EPC2: variants seen among roughly 807,000 people sequenced by gnomAD.
EPC2 encodes enhancer of polycomb 2, also known as enhancer of polycomb homolog 2.
Under a neutral mutation model 92.1 loss-of-function variants are expected in EPC2, and 14 were observed. That is an observed-to-expected ratio of 0.15 (90% confidence interval 0.10 to 0.24). EPC2 has a LOEUF of 0.24. Among genes scored for constraint, EPC2 ranks in the 10% least tolerant of loss-of-function variants. The pLI, the probability that EPC2 is intolerant of heterozygous loss-of-function variation, is 1.00. For synonymous variants in EPC2, 340 were observed against 334.7 expected (o/e 1.02, Z -0.17); for missense variants, 755 against 971.5 (o/e 0.78, Z 2.96).
chr2:148,696,958 T>C (rs564667853), intron 2 of EPC2, among the ~76,000 whole-genome samples: 1 of 152,374 alleles, frequency 6.6e-6, no homozygotes, highest in South Asian at 2.1e-4. Context: ...CCTTCCACAG[T>C]TATGGGTAAA....
intron 2 of EPC2, among the ~76,000 whole-genome samples, chr2:148,740,710 T>C (rs1046976743): frequency 1.3e-5 from 2 of 152,138 alleles, no homozygotes; most frequent in African/African-American, 4.8e-5. Flanking sequence ...ATATATAGCC[T>C]TGCCCTTGAA....
chr2:148,751,805 G>A (rs1256134207), intron 3 of EPC2, among the ~76,000 whole-genome samples: 15 of 152,086 alleles, frequency 9.9e-5, no homozygotes, highest in Admixed American at 9.8e-4. Context: ...GATACTAGTT[G>A]CCTCAGAGTA....
chr2:148,696,126 G>A (rs1681740659), intron 2 of EPC2, among the ~76,000 whole-genome samples: 1 of 152,214 alleles, frequency 6.6e-6, no homozygotes, highest in East Asian at 1.9e-4. Context: ...CCAGGAAGGA[G>A]GAGAAGCCTC....
At position 148,691,741 on chromosome 2, in the gene EPC2, T is replaced by G. The variant is rs543623145; in HGVS notation, c.313+1368T>G. On this transcript the variant is annotated intron_variant, in intron 2 of 13. Transcript: ENST00000258484. Reference sequence around the variant, plus strand: ...GGCTGCAGATCTGCTCAAGGTTCAGTTCTCAGGAAGATTTTTTGCTTCTCC... The same window carrying G: ...GGCTGCAGATCTGCTCAAGGTTCAGGTCTCAGGAAGATTTTTTGCTTCTCC... 159 of 965,032 alleles carry G rather than the reference T, an allele frequency of 1.6e-4. No homozygotes were observed. In the African/African-American group the frequency reaches 2.3e-3, roughly 14 times the overall value. The allele number at this position is 965,032 out of a possible 1,614,324, so 59.8% of individuals were successfully genotyped here. A position where few individuals can be genotyped will look rare whatever the true frequency, so the allele number is the denominator to read the frequency against.
rs368462404 is a variant in EPC2 at position 148,670,339 on chromosome 2, C to CT, written c.154-19863dup. On this transcript the variant is annotated intron_variant, in intron 1 of 13. Transcript: ENST00000258484. The stretch of plus-strand genomic sequence containing the variant: ...AGGGTGAATTTGGTCCATGTTAACT[C>CT]TTTTTTTTTTTTAAGTTTTAAAATT... 1.0e-3 allele frequency among the ~76,000 whole-genome samples: 144 copies of CT among 142,964 alleles called. 1 individual carries two copies. The South Asian group carries it at 0.013, about 13-fold the overall frequency. 93.8% of individuals were successfully genotyped at this position (142,964 alleles called of 152,430 possible).
intron 1 of EPC2, among the ~76,000 whole-genome samples, chr2:148,654,675 C>G (rs1001059788): frequency 6.6e-6 from 1 of 152,112 alleles, no homozygotes; most frequent in Non-Finnish European, 1.5e-5. Context: ...TAGAAACAAA[C>G]AAACAAAAAG....
At chr2:148,681,283 C>G (rs1265238148) in intron 1 of EPC2, among the ~76,000 whole-genome samples, 1 of 151,816 alleles carries the variant, frequency 6.6e-6, no homozygotes, top group Non-Finnish European at 1.5e-5. Context: ...TTAGGATGGT[C>G]AGATTTCACT....
chr2:148,729,860 C>T (rs1682582888), intron 2 of EPC2, among the ~76,000 whole-genome samples: 2 of 152,138 alleles, frequency 1.3e-5, no homozygotes, highest in South Asian at 4.1e-4. Flanking sequence ...TTCTTATGGC[C>T]TGTGGTTCTC....
At position 148,719,799 on chromosome 2, in the gene EPC2, A is replaced by G. The variant is rs190232134; in HGVS notation, c.314-23823A>G. 6.2e-3 allele frequency among the ~76,000 whole-genome samples: 941 copies of G among 152,316 alleles called. 7 individuals carry two copies. The highest frequency in any genetic ancestry group is 0.022 in the African/African-American group (913 of 41,568). On this transcript the variant is annotated intron_variant, in intron 2 of 13. Transcript: ENST00000258484. Reference sequence around the variant, plus strand: ...TGGTGATCCCTTTAGCCACCATTTGATCTGGGCTCTCCAAGCCCCACTGGC... The same window carrying G: ...TGGTGATCCCTTTAGCCACCATTTGGTCTGGGCTCTCCAAGCCCCACTGGC...
intron 1 of EPC2, 55 bp downstream of exon 1, chr2:148,645,225 C>G (rs1231350664): frequency 7.0e-7 from 1 of 1,425,302 alleles, no homozygotes; most frequent in East Asian, 2.6e-5. Flanking sequence ...TCCCCTTTGT[C>G]AGTCGGGCCT....
At chr2:148,659,108 T>A (rs1016090504) in intron 1 of EPC2, among the ~76,000 whole-genome samples, 2 of 152,152 alleles carry the variant, frequency 1.3e-5, no homozygotes, top group African/African-American at 2.4e-5. Context: ...TATGGCAGAA[T>A]AAAAACAATT....
chr2:148,669,998 G>C (rs35983566), intron 1 of EPC2, among the ~76,000 whole-genome samples: 27,821 of 152,086 alleles, frequency 0.18, 3,271 homozygotes, highest in East Asian at 0.49. Flanking sequence ...CTCCAGGGAA[G>C]CCTCTTTAGA....
intron 5 of EPC2, among the ~76,000 whole-genome samples, chr2:148,762,441 A>G (rs908809364): frequency 1.2e-4 from 19 of 152,038 alleles, no homozygotes; most frequent in African/African-American, 3.6e-4. Context: ...TATATAATAT[A>G]TGTAAGAAAT....
chr2:148,660,693 A>C (rs1680913914), intron 1 of EPC2, among the ~76,000 whole-genome samples: 1 of 151,958 alleles, frequency 6.6e-6, no homozygotes. Flanking sequence ...AGTTTGTTCT[A>C]GTATACACTG....
chr2:148,659,598 T>C (rs931799102), intron 1 of EPC2, among the ~76,000 whole-genome samples: 7 of 152,100 alleles, frequency 4.6e-5, no homozygotes, highest in Admixed American at 3.9e-4. Flanking sequence ...TAAATCTAGA[T>C]ATTGTGACTA....
At chr2:148,666,104 G>A (rs983329991) in intron 1 of EPC2, among the ~76,000 whole-genome samples, 7 of 152,246 alleles carry the variant, frequency 4.6e-5, no homozygotes, top group Admixed American at 4.6e-4. Flanking sequence ...TTTTCAAATT[G>A]TCTGTGGTGA....
intron 2 of EPC2, among the ~76,000 whole-genome samples, chr2:148,729,621 C>T (rs34446127): frequency 0.15 from 22,854 of 151,972 alleles, 2,532 homozygotes; most frequent in East Asian, 0.46. Context: ...CCCAGTTTTC[C>T]ATTTGGTTAT....
At chr2:148,646,795 C>T (rs1249319008) in intron 1 of EPC2, among the ~76,000 whole-genome samples, 3 of 151,924 alleles carry the variant, frequency 2.0e-5, no homozygotes, top group Non-Finnish European at 4.4e-5. Context: ...TTACTTTGAT[C>T]CTATTATTTT....
chr2:148,773,982 G>A (rs1044914183), intron 10 of EPC2, among the ~76,000 whole-genome samples: 1 of 151,906 alleles, frequency 6.6e-6, no homozygotes, highest in African/African-American at 2.4e-5. Flanking sequence ...TTCTTAGTGG[G>A]CTTGGTCATG....
Sources: gnomAD v4.1 joint callset for allele counts (sites outside exome capture counted in the v4.1 genomes callset) on GRCh38, gnomAD v4.1.1 for gene constraint, MANE v1.5 for transcripts, NCBI Gene and HGNC (gene_info 2026-07-23, HGNC 2026-07-21) for gene names.